The following PAAF1 variants were observed in gnomAD, a reference collection of about 807,000 sequenced individuals.
The protein encoded by PAAF1 is proteasomal ATPase associated factor 1.
In PAAF1, 46 loss-of-function variants were observed where a neutral mutation model predicts 52.8. The ratio of observed to expected loss-of-function variants is 0.87; its 90% CI spans 0.69 to 1.11. PAAF1 has a LOEUF of 1.11. Ranked by LOEUF, PAAF1 falls within the 50% of genes most tolerant of loss-of-function variation. The pLI is 0.00. For missense variants in PAAF1, 424 were observed against 477.4 expected, an observed-to-expected ratio of 0.89 and a Z score of 1.04; for synonymous variants, 178 against 172.8, an observed-to-expected ratio of 1.03 and a Z score of -0.24.
chr11:73,903,608 T>G (rs1398943185), intron 6 of PAAF1, among the ~76,000 whole-genome samples: 1 of 151,346 alleles, frequency 6.6e-6, no homozygotes, highest in African/African-American at 2.4e-5. Flanking sequence ...TCCTAGCTAC[T>G]TGGGAGTCTG....
chr11:73,906,416 C>T (rs180795437), intron 6 of PAAF1, among the ~76,000 whole-genome samples: 1 of 152,274 alleles, frequency 6.6e-6, no homozygotes, highest in Non-Finnish European at 1.5e-5. Context: ...CCACACCTGG[C>T]TAATTTTTGT....
intron 3 of PAAF1, chr11:73,889,207 G>A: frequency 6.7e-7 from 1 of 1,489,430 alleles, no homozygotes; most frequent in East Asian, 2.5e-5. Context: ...AAACATGATT[G>A]CTAATTTTTG....
At chr11:73,923,058 A>G (rs567039530) in intron 10 of PAAF1, among the ~76,000 whole-genome samples, 12 of 152,272 alleles carry the variant, frequency 7.9e-5, no homozygotes, top group African/African-American at 2.9e-4. Flanking sequence ...ATTCCCTTGC[A>G]TTCCTCAGTC....
chr11:73,905,464 C>T (rs1357558627), intron 6 of PAAF1, among the ~76,000 whole-genome samples: 10 of 152,074 alleles, frequency 6.6e-5, no homozygotes, highest in Non-Finnish European at 8.8e-5. Flanking sequence ...CCTTGTGATC[C>T]TCCCTCATTG....
At chr11:73,889,014 G>C in intron 3 of PAAF1, 1 of 519,150 alleles carries the variant, frequency 1.9e-6, no homozygotes, top group Non-Finnish European at 3.4e-6. Context: ...CCAACTCAGA[G>C]AGGTTAATTA....
intron 6 of PAAF1, among the ~76,000 whole-genome samples, chr11:73,902,234 A>G (rs1023473690): frequency 6.6e-6 from 1 of 152,210 alleles, no homozygotes; most frequent in Non-Finnish European, 1.5e-5. Context: ...AAACACACAC[A>G]TTAACCTAAG....
intron 4 of PAAF1, among the ~76,000 whole-genome samples, chr11:73,893,017 G>C (rs1378143308): frequency 3.3e-5 from 5 of 152,102 alleles, no homozygotes; most frequent in African/African-American, 1.2e-4. Flanking sequence ...GTCTTTCAAT[G>C]TATCCTTCTA....
In PAAF1 at chr11:73,900,360, C is replaced by T. The variant is rs1949562527; in HGVS notation, c.472C>T (p.Leu158=). 1.9e-6 allele frequency: 3 copies of T among 1,612,596 alleles called. No individual in the cohort carries two copies. The highest frequency in any genetic ancestry group is 2.5e-6 in the Non-Finnish European group (3 of 1,178,978). ...VVLSGGMDAQ[L]KIWSAEDASC... is the part of the protein sequence containing the mutation. ...CCTGAGTGGGGGAATGGATGCCCAG[C>T]TGAAGATATGGTCAGCTGAAGATGC... The change falls in exon 6 of 12, where the codon CTG becomes TTG. Residue 158 remains leucine (L), a synonymous_variant. Transcript: ENST00000310571.
rs12290910 is a variant in PAAF1 at position 73,927,206 on chromosome 11, T to C, written c.1102-79T>C. 3 of 1,010,110 alleles carry C rather than the reference T, an allele frequency of 3.0e-6. No individual in the cohort carries two copies. In the East Asian group the frequency reaches 7.2e-5, roughly 24 times the overall value. The allele number at this position is 1,010,110 out of a possible 1,614,324, so 62.6% of individuals were successfully genotyped here. A position where few individuals can be genotyped will look rare whatever the true frequency, so the allele number is the denominator to read the frequency against. On this transcript the variant is annotated intron_variant, in intron 11 of 11. Transcript: ENST00000310571. Reference sequence around the variant, plus strand: ...CTTCTCAGACTCCATGGGACTAGTGTGTGTCAATCATAAGCCTCCATCTTT... The same window carrying C: ...CTTCTCAGACTCCATGGGACTAGTGCGTGTCAATCATAAGCCTCCATCTTT...
intron 9 of PAAF1, among the ~76,000 whole-genome samples, chr11:73,917,551 C>A (rs2135220741): frequency 6.6e-6 from 1 of 152,256 alleles, no homozygotes; most frequent in East Asian, 1.9e-4. Flanking sequence ...AGGCTTGGTT[C>A]AAGGCACTGA....
chr11:73,896,941 C>T (rs572759617), intron 4 of PAAF1, among the ~76,000 whole-genome samples: 1,828 of 145,416 alleles, frequency 0.013, 52 homozygotes, highest in African/African-American at 0.045. Flanking sequence ...ACCCCCCAGA[C>T]CTCCCTCCCC....
intron 1 of PAAF1, among the ~76,000 whole-genome samples, chr11:73,878,269 G>A (rs1041009598): frequency 3.9e-5 from 6 of 152,192 alleles, no homozygotes; most frequent in Admixed American, 3.9e-4. Flanking sequence ...CCAAGATCAT[G>A]CATCTCGTCA....
chr11:73,916,708 AT>A, intron 9 of PAAF1, 48 bp downstream of exon 9: 1 of 1,337,264 alleles, frequency 7.5e-7, no homozygotes, highest in South Asian at 1.2e-5. Flanking sequence ...CAGAGTGGAA[AT>A]TTTTATTGGC....
chr11:73,878,742 T>A (rs768931532), intron 1 of PAAF1, 37 bp from the exon 2 acceptor site: 1 of 1,603,896 alleles, frequency 6.2e-7, no homozygotes, highest in Non-Finnish European at 8.5e-7. Flanking sequence ...TATTCAACTT[T>A]GGGTAAGCCT....
intron 4 of PAAF1, among the ~76,000 whole-genome samples, chr11:73,892,071 C>G (rs553474622): frequency 8.5e-5 from 13 of 152,072 alleles, no homozygotes; most frequent in Non-Finnish European, 1.6e-4. Flanking sequence ...GCCCGTAATC[C>G]TAGCACTTTG....
intron 4 of PAAF1, among the ~76,000 whole-genome samples, chr11:73,898,005 T>A (rs1949466779): frequency 6.6e-6 from 1 of 151,954 alleles, no homozygotes. Context: ...ACACAGCGAA[T>A]CCCCGTCTCC....
rs1950451381 is a variant in PAAF1 at position 73,931,019 on chromosome 11, C to T, written c.*3657C>T. ...GTTAACTGGCTTCATTTAATTATTC[C>T]ATATTGTATTTATAAGTCACAATAG... On this transcript the variant is annotated 3_prime_UTR_variant, in exon 12 of 12. Coordinates refer to ENST00000310571, the MANE Select transcript of PAAF1 (RefSeq NM_025155.3). 1 of 151,942 alleles carries T rather than the reference C, an allele frequency of 6.6e-6. No individual in the cohort carries two copies. Among genetic ancestry groups the T allele is most frequent in the African/African-American group, 2.4e-5 (1 of 41,384 alleles). 9.4% of individuals were successfully genotyped at this position (151,942 alleles called of 1,614,324 possible). A position where few individuals can be genotyped will look rare whatever the true frequency, so the allele number is the denominator to read the frequency against.
intron 1 of PAAF1, among the ~76,000 whole-genome samples, chr11:73,877,498 A>G (rs1948775876): frequency 6.6e-6 from 1 of 152,188 alleles, no homozygotes; most frequent in Non-Finnish European, 1.5e-5. Flanking sequence ...GATACTATTA[A>G]GGAAACTAAT....
chr11:73,916,741 C>A, intron 9 of PAAF1, 81 bp downstream of exon 9: 2 of 887,300 alleles, frequency 2.3e-6, no homozygotes, highest in South Asian at 1.7e-5. Context: ...TTTAGCCTAG[C>A]ATATAGATAA....
Sources: gnomAD v4.1 joint callset for allele counts (sites outside exome capture counted in the v4.1 genomes callset) on GRCh38, gnomAD v4.1.1 for gene constraint, MANE v1.5 for transcripts, NCBI Gene and HGNC (gene_info 2026-07-23, HGNC 2026-07-21) for gene names.